Variants in GRID2 observed in about 807,000 individuals in gnomAD.
GRID2 encodes the protein glutamate receptor ionotropic, delta-2.
GRID2 carries 33 observed loss-of-function variants against 114.8 expected under a neutral mutation model. The observed-to-expected ratio is 0.29, with a 90% CI of 0.22 to 0.38. The LOEUF is 0.38. Ranked by LOEUF, GRID2 falls within the 10% of genes least tolerant of loss-of-function variation. The pLI is 1.00. For missense variants in GRID2, 1,184 were observed against 1,257.7 expected (o/e 0.94, Z 0.89); for synonymous variants, 505 against 449.9 (o/e 1.12, Z -1.55).
intron 8 of GRID2, among the ~76,000 whole-genome samples, chr4:93,359,749 G>C (rs1424653694): frequency 7.4e-6 from 1 of 134,526 alleles, no homozygotes; most frequent in African/African-American, 2.7e-5. Flanking sequence ...AAATGAAACA[G>C]TAGCTCCAAC....
chr4:93,071,038 A>G (rs1222518614), intron 2 of GRID2, among the ~76,000 whole-genome samples: 1 of 152,108 alleles, frequency 6.6e-6, no homozygotes, highest in Non-Finnish European at 1.5e-5. Flanking sequence ...TTCTAGTCTT[A>G]TTACAAAAGA....
chr4:92,481,236 T>C (rs1722572887), intron 1 of GRID2, among the ~76,000 whole-genome samples: 1 of 152,200 alleles, frequency 6.6e-6, no homozygotes, highest in Non-Finnish European at 1.5e-5. Context: ...TATAGGCTTC[T>C]AATTTTTTCT....
chr4:93,720,978 T>C (rs1007603174), intron 14 of GRID2, among the ~76,000 whole-genome samples: 3 of 152,210 alleles, frequency 2.0e-5, no homozygotes, highest in African/African-American at 7.2e-5. Flanking sequence ...ACACAAGATA[T>C]GTTTGCATCC....
At chr4:92,591,748 G>C (rs1193595877) in intron 2 of GRID2, among the ~76,000 whole-genome samples, 1 of 151,828 alleles carries the variant, frequency 6.6e-6, no homozygotes, top group East Asian at 1.9e-4. Context: ...TGTGATTGGT[G>C]GTCTAAAAGT....
At chr4:93,719,940 G>C (rs925759371) in intron 14 of GRID2, among the ~76,000 whole-genome samples, 1 of 152,010 alleles carries the variant, frequency 6.6e-6, no homozygotes, top group Non-Finnish European at 1.5e-5. Flanking sequence ...TTCTCTCCCT[G>C]GTCTCAAGCT....
intron 2 of GRID2, among the ~76,000 whole-genome samples, chr4:92,836,134 G>C (rs140116272): frequency 6.6e-6 from 1 of 152,152 alleles, no homozygotes; most frequent in African/African-American, 2.4e-5. Flanking sequence ...ATCTATAGCT[G>C]TTTTCTCACT....
At chr4:93,004,974 C>T (rs948937690) in intron 2 of GRID2, among the ~76,000 whole-genome samples, 2 of 151,968 alleles carry the variant, frequency 1.3e-5, no homozygotes, top group Admixed American at 6.6e-5. Flanking sequence ...CTATCTCTTG[C>T]ATCTCTTTCT....
At chr4:93,322,702 T>G (rs1009975556) in intron 8 of GRID2, among the ~76,000 whole-genome samples, 1 of 152,062 alleles carries the variant, frequency 6.6e-6, no homozygotes, top group Non-Finnish European at 1.5e-5. Flanking sequence ...TCCTCTCCAG[T>G]ACCTGTTGTT....
intron 14 of GRID2, among the ~76,000 whole-genome samples, chr4:93,651,487 G>T (rs1010765545): frequency 6.6e-6 from 1 of 152,076 alleles, no homozygotes; most frequent in Admixed American, 6.5e-5. Context: ...CCTTTCTTCT[G>T]CATCTTTACA....
At chr4:92,628,835 G>T (rs1193216218) in intron 2 of GRID2, among the ~76,000 whole-genome samples, 1 of 151,914 alleles carries the variant, frequency 6.6e-6, no homozygotes, top group African/African-American at 2.4e-5. Flanking sequence ...CTCCTAAATT[G>T]GTTGCTATGA....
At chr4:93,645,398 A>G (rs527982095) in intron 14 of GRID2, among the ~76,000 whole-genome samples, 6 of 152,276 alleles carry the variant, frequency 3.9e-5, no homozygotes, top group Admixed American at 3.3e-4. Flanking sequence ...GAAATGACAA[A>G]GTAGGGTGGG....
In GRID2 at chr4:92,930,988, G is replaced by A. The variant is rs190330091; in HGVS notation, c.245-154007G>A. Among the ~76,000 whole-genome samples the A allele has an allele frequency of 2.2e-3, 338 of 150,864 alleles. 1 individual carries two copies. Among genetic ancestry groups the A allele is most frequent in the Non-Finnish European group, 4.0e-3 (272 of 67,188 alleles). ...GCAACATTACACACTCAGAAATTAA[G>A]GAAGGAAACACTTTCCAATGTGTTT... On this transcript the variant is annotated intron_variant, in intron 2 of 15. Coordinates refer to ENST00000282020, the MANE Select transcript of GRID2 (RefSeq NM_001510.4).
intron 1 of GRID2, among the ~76,000 whole-genome samples, chr4:92,460,050 A>ACATATATATATATATATG (rs1393201351): frequency 8.0e-6 from 1 of 124,362 alleles, no homozygotes; most frequent in African/African-American, 3.1e-5. Context: ...ATATATATAT[A>ACATATATATATATATATG]TATACACACA....
At chr4:92,918,540 T>C (rs1300186625) in intron 2 of GRID2, among the ~76,000 whole-genome samples, 3 of 152,186 alleles carry the variant, frequency 2.0e-5, no homozygotes, top group Admixed American at 2.0e-4. Flanking sequence ...ATACCGAATT[T>C]ATGGAGAGTT....
chr4:93,558,059 A>T (rs1320676278), intron 13 of GRID2, among the ~76,000 whole-genome samples: 1 of 152,156 alleles, frequency 6.6e-6, no homozygotes, highest in Admixed American at 6.5e-5. Flanking sequence ...TTCATAATGT[A>T]CCAGAATACG....
At chr4:92,682,552 A>C (rs1434392674) in intron 2 of GRID2, among the ~76,000 whole-genome samples, 2 of 152,174 alleles carry the variant, frequency 1.3e-5, no homozygotes, top group Admixed American at 6.5e-5. Context: ...AACCCAGCCA[A>C]GGAAAAAAAC....
intron 8 of GRID2, among the ~76,000 whole-genome samples, chr4:93,359,198 T>C (rs992083441): frequency 6.6e-6 from 1 of 152,100 alleles, no homozygotes; most frequent in African/African-American, 2.4e-5. Context: ...GCACACATCC[T>C]CACATGTCGT....
At chr4:93,203,334 T>C (rs532809885) in intron 4 of GRID2, among the ~76,000 whole-genome samples, 1 of 152,268 alleles carries the variant, frequency 6.6e-6, no homozygotes, top group South Asian at 2.1e-4. Flanking sequence ...CAAGCTTCTT[T>C]AACACATGAT....
At chr4:92,725,641 G>A (rs1399902119) in intron 2 of GRID2, among the ~76,000 whole-genome samples, 4 of 152,066 alleles carry the variant, frequency 2.6e-5, no homozygotes, top group African/African-American at 4.8e-5. Context: ...GGAGATGTTC[G>A]TATCGTCTAA....
Sources: gnomAD v4.1 joint callset for allele counts (sites outside exome capture counted in the v4.1 genomes callset) on GRCh38, gnomAD v4.1.1 for gene constraint, MANE v1.5 for transcripts, NCBI Gene and HGNC (gene_info 2026-07-23, HGNC 2026-07-21) for gene names.